COPS8: variants seen among roughly 807,000 people sequenced by gnomAD.
The protein encoded by COPS8 is COP9 signalosome subunit 8, also known as COP9 signalosome complex subunit 8.
Under a neutral mutation model 31.5 loss-of-function variants are expected in COPS8, and 11 were observed. The observed-to-expected ratio is 0.35, with a 90% CI of 0.22 to 0.58. The LOEUF (loss-of-function observed/expected upper bound fraction) is 0.58, where lower values mean the gene tolerates loss of function less well. Ranked by LOEUF, COPS8 falls within the 20% of genes least tolerant of loss-of-function variation. The probability of loss-of-function intolerance (pLI) is 0.83; values close to 1 mark genes in which losing one functional copy is unlikely to be tolerated. For synonymous variants in COPS8, 81 were observed against 89.3 expected (o/e 0.91, Z 0.52); for missense variants, 215 against 255.1 (o/e 0.84, Z 1.07).
intron 3 of COPS8, 109 bp downstream of exon 3, chr2:237,088,762 A>G: frequency 4.6e-6 from 3 of 654,628 alleles, no homozygotes; most frequent in East Asian, 5.6e-5. Context: ...AATAGTCATC[A>G]GATTGGTATT....
At chr2:237,090,562 A>G (rs908694811) in intron 4 of COPS8, among the ~76,000 whole-genome samples, 7 of 152,178 alleles carry the variant, frequency 4.6e-5, no homozygotes, top group Non-Finnish European at 7.3e-5. Flanking sequence ...ATAAAATTAT[A>G]TAATCTTGTT....
chr2:237,097,863 G>C lies in COPS8; in HGVS notation c.*121G>C, dbSNP rs1195680789. ...AGCACCTCAGCATTCCTTACTATGT[G>C]ATAAAATACATATAGAATATAAGAT... is the stretch of plus-strand genomic sequence containing the variant. On this transcript the variant is annotated 3_prime_UTR_variant, in exon 8 of 8. Transcript: ENST00000354371. 9 of 641,306 alleles carry C rather than the reference G, an allele frequency of 1.4e-5. No homozygotes were observed. Among genetic ancestry groups the C allele is most frequent in the Non-Finnish European group, 2.2e-5 (8 of 366,490 alleles). 39.7% of individuals were successfully genotyped at this position (641,306 alleles called of 1,614,324 possible). A position where few individuals can be genotyped will look rare whatever the true frequency, so the allele number is the denominator to read the frequency against.
chr2:237,093,378 A>G (rs1696741009), intron 4 of COPS8, among the ~76,000 whole-genome samples: 1 of 152,196 alleles, frequency 6.6e-6, no homozygotes, highest in African/African-American at 2.4e-5. Context: ...CAGGTGGAGG[A>G]GCTCTTGCAT....
In COPS8 at chr2:237,085,939, G is replaced by T. The variant is rs550874923; in HGVS notation, c.-26G>T. The T allele has an allele frequency of 1.0e-5, 16 of 1,607,864 alleles. 1 individual carries two copies. In the South Asian group the frequency reaches 1.6e-4, roughly 16 times the overall value. ...AGTCTGGGGTTTGGCTGTCCGGACG[G>T]TGCAGCGGCGAGGCCGGCCGCGAAG... is the stretch of plus-strand genomic sequence containing the variant. On this transcript the variant is annotated 5_prime_UTR_variant, in exon 1 of 8. Transcript: ENST00000354371.
intron 4 of COPS8, among the ~76,000 whole-genome samples, chr2:237,090,599 T>C (rs1192835343): frequency 6.6e-6 from 1 of 152,188 alleles, no homozygotes. Context: ...TGTTATTTCT[T>C]ATTGTTACCC....
At position 237,098,109 on chromosome 2, in the gene COPS8, A is replaced by C. The variant is rs550707113; in HGVS notation, c.*367A>C. ...CTCTTATATGTACCATTGGTTGATA[A>C]TTATAATGATTCATTTGGACTTGAA... is the stretch of plus-strand genomic sequence containing the variant. On this transcript the variant is annotated 3_prime_UTR_variant, in exon 8 of 8. Transcript: ENST00000354371. 34 of 163,206 alleles carry C rather than the reference A, an allele frequency of 2.1e-4. No homozygotes were observed. The highest frequency in any genetic ancestry group is 3.8e-4 in the Non-Finnish European group (28 of 74,330). The allele number at this position is 163,206 out of a possible 1,614,324, so 10.1% of individuals were successfully genotyped here.
rs1696857381 is a variant in COPS8 at position 237,099,397 on chromosome 2, A to G, written c.*1655A>G. 1 of 152,190 alleles carries G rather than the reference A, an allele frequency of 6.6e-6. No homozygotes were observed. Among genetic ancestry groups the G allele is most frequent in the Admixed American group, 6.5e-5 (1 of 15,284 alleles). The allele number at this position is 152,190 out of a possible 1,614,324, so 9.4% of individuals were successfully genotyped here. ...ACTACATAGAGAAAAAATAATCTCA[A>G]GTGATCAAACACAATATTTCAATTT... is the stretch of plus-strand genomic sequence containing the variant. On this transcript the variant is annotated 3_prime_UTR_variant, in exon 8 of 8. Transcript: ENST00000354371.
In COPS8 at chr2:237,087,204, A is replaced by G. The variant is rs775039531; in HGVS notation, c.149+7A>G. 3.5e-5 allele frequency: 56 copies of G among 1,594,858 alleles called. No individual in the cohort carries two copies. The highest frequency in any genetic ancestry group is 4.7e-5 in the Non-Finnish European group (55 of 1,170,110). On this transcript the variant is annotated splice_region_variant and intron_variant, in intron 2 of 7. Transcript: ENST00000354371. The stretch of plus-strand genomic sequence containing the variant: ...ATTTGCTCCATAATGACATGTAAGT[A>G]TGTTTAACCTAAAGCTAAGAGCAAC...
At chr2:237,087,387 A>T (rs1696638271) in intron 2 of COPS8, 190 bp downstream of exon 2, 1 of 546,244 alleles carries the variant, frequency 1.8e-6, no homozygotes, top group Non-Finnish European at 3.3e-6. Flanking sequence ...TGTCTTACAT[A>T]TACTTTCTAG....
At chr2:237,097,518 G>T in intron 7 of COPS8, 145 bp from the exon 8 acceptor site, 1 of 619,906 alleles carries the variant, frequency 1.6e-6, no homozygotes, top group Non-Finnish European at 2.8e-6. Flanking sequence ...CCTCTATGAT[G>T]TAAGATTTTG....
chr2:237,094,971 T>A (rs754346640), intron 5 of COPS8, among the ~76,000 whole-genome samples: 8 of 151,696 alleles, frequency 5.3e-5, no homozygotes, highest in Non-Finnish European at 7.4e-5. Flanking sequence ...ATATCAAAAA[T>A]ATATATATAT....
intron 7 of COPS8, among the ~76,000 whole-genome samples, chr2:237,097,309 A>G (rs938049525): frequency 3.4e-5 from 5 of 147,894 alleles, no homozygotes; most frequent in South Asian, 4.2e-4. Flanking sequence ...TATTTCTTGA[A>G]TTTAATGTTG....
At chr2:237,089,108 G>A (rs116246661) in intron 3 of COPS8, among the ~76,000 whole-genome samples, 3,969 of 152,242 alleles carry the variant, frequency 0.026, 175 homozygotes, top group African/African-American at 0.088. Flanking sequence ...TGGGAGATTA[G>A]AAGAAATAGC....
chr2:237,093,341 A>G (rs1038867810), intron 4 of COPS8, among the ~76,000 whole-genome samples: 11 of 152,240 alleles, frequency 7.2e-5, no homozygotes, highest in Non-Finnish European at 1.6e-4. Context: ...AGTAAAATCC[A>G]GAATATTTCC....
intron 4 of COPS8, among the ~76,000 whole-genome samples, chr2:237,090,822 G>C (rs1443676897): frequency 6.6e-6 from 1 of 152,234 alleles, no homozygotes; most frequent in Non-Finnish European, 1.5e-5. Flanking sequence ...GTAAGTGACA[G>C]AACAGGAGGC....
At chr2:237,095,793 G>A (rs555014424) in intron 5 of COPS8, 29 bp from the exon 6 acceptor site, 13 of 1,493,686 alleles carry the variant, frequency 8.7e-6, no homozygotes, top group Middle Eastern at 1.7e-4. Flanking sequence ...TATTCTTTCC[G>A]GATCTTTATG....
chr2:237,090,169 C>G (rs767490692), intron 4 of COPS8, among the ~76,000 whole-genome samples, 175 bp downstream of exon 4: 27 of 152,144 alleles, frequency 1.8e-4, no homozygotes, highest in Admixed American at 1.2e-3. Context: ...TTTTTTGTTG[C>G]TTGAGATTAC....
Position 237,097,899 on chromosome 2 carries a change from C to T in COPS8, c.*157C>T. ...TATAGAATATAAGATATACTATATA[C>T]ATTTTGTCCATAAACGTTATGCTGA... On this transcript the variant is annotated 3_prime_UTR_variant, in exon 8 of 8. Transcript: ENST00000354371. The T allele has an allele frequency of 3.8e-6, 2 of 532,638 alleles. No individual in the cohort carries two copies. The highest frequency in any genetic ancestry group is 6.6e-6 in the Non-Finnish European group (2 of 301,246). The allele number at this position is 532,638 out of a possible 1,614,324, so 33.0% of individuals were successfully genotyped here. A position where few individuals can be genotyped will look rare whatever the true frequency, so the allele number is the denominator to read the frequency against.
intron 2 of COPS8, among the ~76,000 whole-genome samples, chr2:237,088,219 G>T (rs1285039261): frequency 6.6e-6 from 1 of 152,170 alleles, no homozygotes; most frequent in African/African-American, 2.4e-5. Context: ...GGAGAGAAGT[G>T]TTGTGTACCA....
Sources: allele counts gnomAD v4.1 joint callset (sites outside exome capture counted in the v4.1 genomes callset), GRCh38; gene constraint gnomAD v4.1.1; transcripts MANE v1.5; gene names NCBI Gene and HGNC (gene_info 2026-07-23, HGNC 2026-07-21).